The following GMCL1 variants were observed in gnomAD, a reference collection of about 807,000 sequenced individuals.
The protein encoded by GMCL1 is germ cell-less protein-like 1.
A neutral mutation model predicts 75.5 loss-of-function variants in GMCL1; 54 were observed. The observed-to-expected ratio is 0.71, with a 90% CI of 0.57 to 0.90. The LOEUF is 0.90. Ranked by LOEUF, GMCL1 falls within the 40% of genes least tolerant of loss-of-function variation. The pLI is 0.00. For synonymous variants in GMCL1, 210 were observed against 209.6 expected, an observed-to-expected ratio of 1.00 and a Z score of -0.02; for missense variants, 537 against 622.7, an observed-to-expected ratio of 0.86 and a Z score of 1.47.
chr2:69,854,239 T>C (rs1199153682), intron 8 of GMCL1, among the ~76,000 whole-genome samples: 1 of 150,496 alleles, frequency 6.6e-6, no homozygotes, highest in Admixed American at 6.6e-5. Context: ...AAGCTGAAAC[T>C]CCTGGGCTCA....
intron 12 of GMCL1, among the ~76,000 whole-genome samples, chr2:69,870,513 G>A (rs550428791): frequency 6.6e-6 from 1 of 152,186 alleles, no homozygotes; most frequent in East Asian, 1.9e-4. Flanking sequence ...GATAAAATTG[G>A]ACTTCATCAA....
At chr2:69,834,699 T>C (rs1263468917) in intron 1 of GMCL1, among the ~76,000 whole-genome samples, 6 of 152,198 alleles carry the variant, frequency 3.9e-5, no homozygotes, top group Admixed American at 3.9e-4. Flanking sequence ...GTGTGGGTCT[T>C]TTAATGGCCT....
chr2:69,847,013 T>G (rs1244783687), intron 6 of GMCL1, among the ~76,000 whole-genome samples: 7 of 151,468 alleles, frequency 4.6e-5, no homozygotes, highest in Non-Finnish European at 8.8e-5. Flanking sequence ...TTTTTTTTTT[T>G]TTTTTGGTAG....
intron 11 of GMCL1, among the ~76,000 whole-genome samples, chr2:69,868,757 A>T (rs1342647738): frequency 6.6e-6 from 1 of 151,164 alleles, no homozygotes; most frequent in African/African-American, 2.4e-5. Flanking sequence ...TGGGCTCTTA[A>T]TTACCTTAGT....
At chr2:69,869,603 C>A in intron 11 of GMCL1, 116 bp from the exon 12 acceptor site, 1 of 964,790 alleles carries the variant, frequency 1.0e-6, no homozygotes, top group African/African-American at 1.6e-5. Context: ...AAAAAGTCGA[C>A]CACCCATGAG....
chr2:69,849,358 T>C (rs1316813485), intron 7 of GMCL1, among the ~76,000 whole-genome samples: 1 of 152,128 alleles, frequency 6.6e-6, no homozygotes, highest in Non-Finnish European at 1.5e-5. Context: ...TGTGTAGAGA[T>C]GGGGTTTGAC....
chr2:69,832,863 A>C (rs1674714289), intron 1 of GMCL1, among the ~76,000 whole-genome samples: 1 of 152,248 alleles, frequency 6.6e-6, no homozygotes, highest in Admixed American at 6.5e-5. Flanking sequence ...ACTACTGAGG[A>C]CAAAACGCTA....
Position 69,868,115 on chromosome 2 carries a change from T to C in GMCL1, c.1219-1604T>C, listed in dbSNP as rs1410146689. On this transcript the variant is annotated intron_variant, in intron 11 of 13. Transcript: ENST00000282570. ...ATGCTCACCTATTCAAAAGCTTTGC[T>C]CCAGCCAGGCACAGTGGTATGCACC... is the stretch of plus-strand genomic sequence containing the variant. Among the ~76,000 whole-genome samples the C allele has an allele frequency of 3.3e-5, 5 of 152,110 alleles. No homozygotes were observed. In the East Asian group the frequency reaches 7.7e-4, roughly 23 times the overall value.
chr2:69,849,348 T>C (rs1214339995), intron 7 of GMCL1, among the ~76,000 whole-genome samples: 2 of 152,194 alleles, frequency 1.3e-5, no homozygotes, highest in East Asian at 3.9e-4. Flanking sequence ...TTTTTTTCTG[T>C]GTGTAGAGAT....
At chr2:69,860,892 G>A (rs912039661) in intron 9 of GMCL1, among the ~76,000 whole-genome samples, 1 of 152,170 alleles carries the variant, frequency 6.6e-6, no homozygotes, top group Non-Finnish European at 1.5e-5. Context: ...ACACAGGCTG[G>A]AGTGCAGTGG....
At chr2:69,835,367 TGA>T (rs1674789577) in intron 1 of GMCL1, among the ~76,000 whole-genome samples, 1 of 152,172 alleles carries the variant, frequency 6.6e-6, no homozygotes, top group Non-Finnish European at 1.5e-5. Flanking sequence ...GGTATACTGG[TGA>T]GAGGGTGTTT....
chr2:69,861,208 C>A, intron 9 of GMCL1, 70 bp from the exon 10 acceptor site: 1 of 1,121,252 alleles, frequency 8.9e-7, no homozygotes, highest in Non-Finnish European at 1.3e-6. Flanking sequence ...ATTTTGTCAA[C>A]TATGAATGTT....
chr2:69,830,057 C>T lies in GMCL1; in HGVS notation c.165C>T (p.Ser55=). The change falls in exon 1 of 14, where the codon AGC becomes AGT. Residue 55 remains serine (S), a synonymous_variant. Transcript: ENST00000282570. ...CGGGCAGCCACAAGCGCAAGCGGAGCAGCGGGTCCTTCTGCTACTGTCACC... is the reference window on the plus strand; with the variant it reads ...CGGGCAGCCACAAGCGCAAGCGGAGTAGCGGGTCCTTCTGCTACTGTCACC... ...YCAGSHKRKR[S]SGSFCYCHPD... is the part of the protein sequence containing the mutation. The T allele has an allele frequency of 6.4e-7, 1 of 1,568,648 alleles. No individual in the cohort carries two copies. The highest frequency in any genetic ancestry group is 1.2e-5 in the South Asian group (1 of 85,776).
intron 9 of GMCL1, among the ~76,000 whole-genome samples, chr2:69,860,141 A>G (rs952544711): frequency 2.0e-5 from 3 of 152,054 alleles, no homozygotes; most frequent in Non-Finnish European, 4.4e-5. Flanking sequence ...AGCTGGGACT[A>G]CAGGTGCACG....
chr2:69,855,764 G>A (rs13406307), intron 9 of GMCL1, among the ~76,000 whole-genome samples: 11,927 of 152,092 alleles, frequency 0.078, 1,587 homozygotes, highest in African/African-American at 0.27. Context: ...CAAATTCTCT[G>A]AATTTTACAT....
chr2:69,847,627 G>T lies in GMCL1; in HGVS notation c.843G>T (p.Lys281Asn). 6.3e-7 allele frequency: 1 copy of T among 1,579,842 alleles called. No individual in the cohort carries two copies. Among genetic ancestry groups the T allele is most frequent in the Non-Finnish European group, 8.7e-7 (1 of 1,149,936 alleles). Reference protein sequence around the residue: ...VEMDIYTALKKWMFLQLVPSW... With the variant: ...VEMDIYTALKNWMFLQLVPSW... ...TGGATATATACACTGCTCTAAAAAA[G>T]GTACTGACGTAATATGATGTCATAT... Residue 281 changes from lysine (K) to asparagine (N), a missense_variant and splice_region_variant, in exon 7 of 14, where the codon AAG becomes AAT. Lys to Asn is a moderately conservative substitution (Grantham distance 94). Transcript: ENST00000282570.
Position 69,837,737 on chromosome 2 carries a change from T to C in GMCL1, c.384+67T>C. 3 of 1,516,554 alleles carry C rather than the reference T, an allele frequency of 2.0e-6. No individual in the cohort carries two copies. In the South Asian group the frequency reaches 3.7e-5, roughly 19 times the overall value. The allele number at this position is 1,516,554 out of a possible 1,614,324, so 93.9% of individuals were successfully genotyped here. A position where few individuals can be genotyped will look rare whatever the true frequency, so the allele number is the denominator to read the frequency against. ...ACTCTTAAGTCATGTTCTTCCTCAT[T>C]GCACTTCACAGTAATCTTTTGCATG... On this transcript the variant is annotated intron_variant, in intron 2 of 13. Transcript: ENST00000282570.
chr2:69,829,933 CA>C lies in GMCL1; in HGVS notation c.42del (p.Ala15ProfsTer76). ...LSSRVLRQPR[P>X]ALAQQAQGAR... ...AGCCGGGTGCTGCGCCAGCCAAGAC[CA>C]GCCCTTGCCCAGCAGGCGCAGGGTG... On this transcript the variant is annotated frameshift_variant, in exon 1 of 14. Transcript: ENST00000282570. LOFTEE classifies it high-confidence loss of function. The C allele has an allele frequency of 6.2e-7, 1 of 1,604,380 alleles. No individual in the cohort carries two copies. Among genetic ancestry groups the C allele is most frequent in the Non-Finnish European group, 8.5e-7 (1 of 1,175,614 alleles).
intron 4 of GMCL1, among the ~76,000 whole-genome samples, chr2:69,841,939 G>C (rs1290567423): frequency 1.3e-5 from 2 of 152,168 alleles, no homozygotes; most frequent in African/African-American, 4.8e-5. Flanking sequence ...TTGCAGAAGA[G>C]GGGGGCAGAA....
Sources: allele counts gnomAD v4.1 joint callset (sites outside exome capture counted in the v4.1 genomes callset), GRCh38; gene constraint gnomAD v4.1.1; transcripts MANE v1.5; gene names NCBI Gene and HGNC (gene_info 2026-07-23, HGNC 2026-07-21).